RASAL2: variants seen among roughly 807,000 people sequenced by gnomAD.
The protein encoded by RASAL2 is ras GTPase-activating protein nGAP.
RASAL2 carries 58 observed loss-of-function variants against 128.9 expected under a neutral mutation model. That is an observed-to-expected ratio of 0.45 (90% CI 0.36 to 0.56). The LOEUF (loss-of-function observed/expected upper bound fraction) is 0.56, where lower values mean the gene tolerates loss of function less well. RASAL2 is among the 20% of genes least tolerant of loss of function. RASAL2 has a pLI of 0.00. For synonymous variants in RASAL2, 561 were observed against 580.8 expected, an observed-to-expected ratio of 0.97 and a Z score of 0.49; for missense variants, 1,360 against 1,601.6, an observed-to-expected ratio of 0.85 and a Z score of 2.57.
At chr1:178,439,998 C>CATCCATCCATCCATCT (rs1553233923) in intron 6 of RASAL2, among the ~76,000 whole-genome samples, 11,593 of 150,830 alleles carry the variant, frequency 0.077, 917 homozygotes, top group African/African-American at 0.2. Flanking sequence ...TCCATCCATC[C>CATCCATCCATCCATCT]ATCCATCCAT....
chr1:178,232,113 A>G (rs1001871553), intron 1 of RASAL2, among the ~76,000 whole-genome samples: 2 of 152,166 alleles, frequency 1.3e-5, no homozygotes, highest in Non-Finnish European at 2.9e-5. Flanking sequence ...TCATTTTTAA[A>G]ACAACTTGCA....
At chr1:178,448,167 T>C (rs1284720074) in intron 9 of RASAL2, among the ~76,000 whole-genome samples, 1 of 151,524 alleles carries the variant, frequency 6.6e-6, no homozygotes, top group Non-Finnish European at 1.5e-5. Context: ...AGAAGAGGAA[T>C]CAGAGAAGTG....
At chr1:178,165,797 A>T (rs1661498859) in intron 1 of RASAL2, among the ~76,000 whole-genome samples, 1 of 152,170 alleles carries the variant, frequency 6.6e-6, no homozygotes, top group Non-Finnish European at 1.5e-5. Flanking sequence ...CTAATTTTAC[A>T]GATAAAGAAG....
chr1:178,413,673 G>C (rs972243649), intron 4 of RASAL2, among the ~76,000 whole-genome samples: 1 of 152,198 alleles, frequency 6.6e-6, no homozygotes, highest in African/African-American at 2.4e-5. Context: ...CTCAGAGCAA[G>C]CATCAGAACC....
At chr1:178,351,411 GC>G (rs1341080473) in intron 3 of RASAL2, among the ~76,000 whole-genome samples, 1 of 152,124 alleles carries the variant, frequency 6.6e-6, no homozygotes, top group Non-Finnish European at 1.5e-5. Context: ...TTGCCTATGA[GC>G]CTGTAAAGTC....
chr1:178,324,912 C>T (rs1004368001), intron 3 of RASAL2, among the ~76,000 whole-genome samples: 1 of 152,192 alleles, frequency 6.6e-6, no homozygotes, highest in Non-Finnish European at 1.5e-5. Context: ...ACCCCCTTGG[C>T]ACCCACCTGC....
At chr1:178,137,906 C>T (rs754458702) in intron 1 of RASAL2, among the ~76,000 whole-genome samples, 25 of 152,012 alleles carry the variant, frequency 1.6e-4, no homozygotes, top group Non-Finnish European at 2.9e-4. Context: ...TGTTTTTAGT[C>T]GCCATTTCTG....
At chr1:178,315,289 A>C (rs867315367) in intron 3 of RASAL2, among the ~76,000 whole-genome samples, 2,505 of 142,320 alleles carry the variant, frequency 0.018, 42 homozygotes, top group African/African-American at 0.069. Context: ...ATTTATAGTC[A>C]TTTGGGTATA....
At chr1:178,127,299 A>G (rs1659936162) in intron 1 of RASAL2, among the ~76,000 whole-genome samples, 1 of 152,186 alleles carries the variant, frequency 6.6e-6, no homozygotes, top group Non-Finnish European at 1.5e-5. Flanking sequence ...CTTGAGTTTT[A>G]GAGAAATACA....
At chr1:178,191,792 G>A (rs1662502768) in intron 1 of RASAL2, among the ~76,000 whole-genome samples, 1 of 152,040 alleles carries the variant, frequency 6.6e-6, no homozygotes, top group Admixed American at 6.6e-5. Flanking sequence ...GACCTAGAAA[G>A]GTTTGTGGCA....
chr1:178,174,223 T>C (rs752162031), intron 1 of RASAL2, among the ~76,000 whole-genome samples: 24 of 152,206 alleles, frequency 1.6e-4, no homozygotes, highest in Non-Finnish European at 2.6e-4. Context: ...TCTAAATGCT[T>C]AATTTAGGTC....
At chr1:178,399,092 T>C (rs1673446222) in intron 4 of RASAL2, among the ~76,000 whole-genome samples, 1 of 152,212 alleles carries the variant, frequency 6.6e-6, no homozygotes, top group African/African-American at 2.4e-5. Context: ...CGTGGGGACC[T>C]TGGGCATGGT....
chr1:178,238,369 A>G (rs1242163384), intron 1 of RASAL2, among the ~76,000 whole-genome samples: 2 of 152,146 alleles, frequency 1.3e-5, no homozygotes, highest in South Asian at 2.1e-4. Flanking sequence ...TTATGCTACT[A>G]TGAACATTCA....
intron 1 of RASAL2, among the ~76,000 whole-genome samples, chr1:178,177,395 A>G (rs1218153096): frequency 6.6e-6 from 1 of 152,198 alleles, no homozygotes; most frequent in African/African-American, 2.4e-5. Flanking sequence ...AGACCATGCT[A>G]CTTGCTGATG....
intron 2 of RASAL2, among the ~76,000 whole-genome samples, chr1:178,298,790 T>TAA (rs1417937921): frequency 6.6e-6 from 1 of 152,146 alleles, no homozygotes. Context: ...ATTGGAGCCA[T>TAA]AATAAATTAG....
intron 4 of RASAL2, chr1:178,411,685 C>T (rs983299266): frequency 2.4e-6 from 2 of 821,606 alleles, no homozygotes; most frequent in Non-Finnish European, 2.2e-6. Context: ...CACTTTTGTC[C>T]ATGTCACTGA....
intron 3 of RASAL2, among the ~76,000 whole-genome samples, chr1:178,367,978 G>A (rs979659644): frequency 1.3e-5 from 2 of 152,130 alleles, no homozygotes; most frequent in African/African-American, 4.8e-5. Flanking sequence ...AAAAAAATTT[G>A]TATTGGAACA....
At chr1:178,254,671 A>G (rs1461924088) in intron 1 of RASAL2, among the ~76,000 whole-genome samples, 4 of 152,230 alleles carry the variant, frequency 2.6e-5, no homozygotes, top group Admixed American at 6.5e-5. Flanking sequence ...ACAAGGCTCC[A>G]TCTTTCCTCA....
rs1659298544 is a variant in RASAL2 at position 178,110,954 on chromosome 1, T to C, written c.202+16260T>C. Among the ~76,000 whole-genome samples, 4 of 152,098 alleles carry C rather than the reference T, an allele frequency of 2.6e-5. No homozygotes were observed. In the South Asian group the frequency reaches 8.3e-4, roughly 32 times the overall value. On this transcript the variant is annotated intron_variant, in intron 1 of 17. Coordinates refer to ENST00000367649, the MANE Select transcript of RASAL2 (RefSeq NM_170692.4). ...ATTTTTTATAGTTGTGTTTTTTTCT[T>C]TTTACGGAATATTTTTGATTTGCAG...
Sources: gnomAD v4.1 joint callset for allele counts (sites outside exome capture counted in the v4.1 genomes callset) on GRCh38, gnomAD v4.1.1 for gene constraint, MANE v1.5 for transcripts, NCBI Gene and HGNC (gene_info 2026-07-23, HGNC 2026-07-21) for gene names.